The following TCF25 variants were observed in gnomAD, a reference collection of about 807,000 sequenced individuals.
TCF25 encodes TCF25 ribosome quality control complex subunit.
TCF25 carries 41 observed loss-of-function variants against 83.1 expected under a neutral mutation model. The ratio of observed to expected loss-of-function variants is 0.49; its 90% confidence interval spans 0.38 to 0.64. The LOEUF (loss-of-function observed/expected upper bound fraction) is 0.64, where lower values mean the gene tolerates loss of function less well. TCF25 is among the 30% of genes least tolerant of loss of function. The probability of loss-of-function intolerance (pLI) is 0.00; values close to 1 mark genes in which losing one functional copy is unlikely to be tolerated. For synonymous variants in TCF25, 458 were observed against 365.0 expected, an observed-to-expected ratio of 1.25 and a Z score of -2.90; for missense variants, 979 against 914.5, an observed-to-expected ratio of 1.07 and a Z score of -0.91.
intron 7 of TCF25, among the ~76,000 whole-genome samples, chr16:89,894,180 G>T (rs745518319): frequency 7.2e-5 from 11 of 152,088 alleles, no homozygotes; most frequent in Non-Finnish European, 1.3e-4. Context: ...TGCCTCCTGC[G>T]GCTCAGTGCA....
chr16:89,906,666 CTGT>C (rs923341190), intron 15 of TCF25, among the ~76,000 whole-genome samples: 16 of 152,264 alleles, frequency 1.1e-4, no homozygotes, highest in African/African-American at 3.6e-4. Flanking sequence ...GGAGTTTGTA[CTGT>C]TGTTAAGGGA....
At chr16:89,885,280 C>T (rs1489116545) in intron 3 of TCF25, among the ~76,000 whole-genome samples, 2 of 152,126 alleles carry the variant, frequency 1.3e-5, no homozygotes, top group African/African-American at 4.8e-5. Context: ...TACCCTTGTT[C>T]CTCGACTGGT....
At position 89,873,680 on chromosome 16, in the gene TCF25, G is replaced by A. The variant is rs866363973; in HGVS notation, c.13G>A (p.Ala5Thr). The change falls in exon 1 of 18, where the codon GCC becomes ACC. Residue 5 changes from alanine to threonine, a missense_variant. Ala to Thr is a moderately conservative substitution (Grantham distance 58, BLOSUM62 0). Transcript: ENST00000263346. MSRR[A>T]LRRLRGEQRG... ...GTCGTTCGGTCCTATGTCGCGCCGGGCCCTCCGGAGGCTGAGGGGGGAACA... is the reference window on the plus strand; with the variant it reads ...GTCGTTCGGTCCTATGTCGCGCCGGACCCTCCGGAGGCTGAGGGGGGAACA... 6.3e-7 allele frequency: 1 copy of A among 1,598,826 alleles called. No individual in the cohort carries two copies. The highest frequency in any genetic ancestry group is 2.3e-5 in the East Asian group (1 of 44,174).
intron 13 of TCF25, chr16:89,904,488 G>A: frequency 1.9e-6 from 1 of 528,004 alleles, no homozygotes. Flanking sequence ...AGCTTTTTGG[G>A]AGGCCGGCTT....
At chr16:89,882,335 G>C (rs1198020747) in intron 1 of TCF25, among the ~76,000 whole-genome samples, 1 of 152,100 alleles carries the variant, frequency 6.6e-6, no homozygotes, top group East Asian at 1.9e-4. Context: ...AGGAGCTCAA[G>C]ACCAGCCTGG....
rs1392657007 is a variant in TCF25, at chr16:89,911,357, C to G, written c.*119C>G. On this transcript the variant is annotated 3_prime_UTR_variant, in exon 18 of 18. Coordinates refer to ENST00000263346, the MANE Select transcript of TCF25 (RefSeq NM_014972.3). ...TGTGTCGCTCCCTGGTCCACTGTTTCTCCTATAAATGTAAATGGGTCACGC... is the reference window on the plus strand; with the variant it reads ...TGTGTCGCTCCCTGGTCCACTGTTTGTCCTATAAATGTAAATGGGTCACGC... The G allele has an allele frequency of 1.5e-6, 2 of 1,357,630 alleles. No individual in the cohort carries two copies. Among genetic ancestry groups the G allele is most frequent in the African/African-American group, 1.4e-5 (1 of 70,154 alleles). 84.1% of individuals were successfully genotyped at this position (1,357,630 alleles called of 1,614,324 possible).
intron 4 of TCF25, 164 bp downstream of exon 4, chr16:89,886,130 A>C: frequency 1.5e-6 from 1 of 684,144 alleles, no homozygotes; most frequent in Non-Finnish European, 2.6e-6. Context: ...TTATTTAAAA[A>C]TCATATGAGT....
rs191594477 is a variant in TCF25 at position 89,891,825 on chromosome 16, C to T, written c.615-368C>T. 7.1e-3 allele frequency among the ~76,000 whole-genome samples: 1,088 copies of T among 152,210 alleles called. 4 individuals carry two copies. Among genetic ancestry groups the T allele is most frequent in the Non-Finnish European group, 0.011 (746 of 68,018 alleles). On this transcript the variant is annotated intron_variant, in intron 5 of 17. Coordinates refer to ENST00000263346, the MANE Select transcript of TCF25 (RefSeq NM_014972.3). ...CTGGGATCACAGGTGCAGGCCATCA[C>T]GCCAGGCTAATTTTTAAAACCCTTT...
intron 5 of TCF25, chr16:89,889,913 GCTC>G (rs1327453699): frequency 6.6e-6 from 1 of 151,958 alleles, no homozygotes; most frequent in African/African-American, 2.4e-5. Flanking sequence ...TGTCACCTAG[GCTC>G]TGGAGCTCAG....
chr16:89,895,707 A>G (rs749877846), intron 8 of TCF25, among the ~76,000 whole-genome samples: 18 of 152,264 alleles, frequency 1.2e-4, no homozygotes, highest in Admixed American at 3.3e-4. Flanking sequence ...TTAGGTGGAC[A>G]CATCTGTGCT....
At chr16:89,910,776 C>T in intron 17 of TCF25, 113 bp downstream of exon 17, 1 of 1,250,018 alleles carries the variant, frequency 8.0e-7, no homozygotes, top group Non-Finnish European at 1.1e-6. Flanking sequence ...GCACAGGGAG[C>T]AGGGAAGGAC....
At chr16:89,904,255 C>T (rs2044589035) in intron 13 of TCF25, 50 bp downstream of exon 13, 1 of 1,541,612 alleles carries the variant, frequency 6.5e-7, no homozygotes, top group Non-Finnish European at 8.8e-7. Context: ...GGGTTCGGAG[C>T]CTGGGAGCCA....
chr16:89,890,093 C>G (rs545800384), intron 5 of TCF25: 9 of 152,336 alleles, frequency 5.9e-5, no homozygotes, highest in Admixed American at 5.2e-4. Context: ...TGGTCTCGAT[C>G]TCCTGACCTC....
chr16:89,878,728 C>T (rs1244407481), intron 1 of TCF25: 2 of 889,772 alleles, frequency 2.2e-6, no homozygotes, highest in Non-Finnish European at 2.7e-6. Context: ...GCAAGCTCTG[C>T]CTCCTGGATT....
chr16:89,873,811 C>G lies in TCF25; in HGVS notation c.144C>G (p.Pro48=). The G allele has an allele frequency of 6.5e-7, 1 of 1,537,340 alleles. No individual in the cohort carries two copies. The highest frequency in any genetic ancestry group is 1.4e-5 in the African/African-American group (1 of 69,214). ...AGCGGGAGCTTGGTGTCCGGCGTCC[C>G]GGGGGCGCAGGGAAGGAGGGCGTCC... ...GPKRELGVRR[P]GGAGKEGVRV... Residue 48 remains proline, a synonymous_variant, in exon 1 of 18, where the codon CCC becomes CCG. Transcript: ENST00000263346.
chr16:89,885,853 C>T lies in TCF25; in HGVS notation c.435C>T (p.Asn145=), dbSNP rs369003274. 1.2e-5 allele frequency: 19 copies of T among 1,602,666 alleles called. No homozygotes were observed. Among genetic ancestry groups the T allele is most frequent in the Admixed American group, 5.0e-5 (3 of 59,778 alleles). ...GGTTGTTTTGGGGCTTTTAGGAAAA[C>T]GGACTAGAAGATATCGATCGCATCC... ...KKSSTGEASE[N]GLEDIDRILE... Residue 145 remains asparagine, a synonymous_variant, in exon 4 of 18, where the codon AAC becomes AAT. Coordinates refer to ENST00000263346, the MANE Select transcript of TCF25 (RefSeq NM_014972.3).
Position 89,896,074 on chromosome 16 carries a change from C to A in TCF25, c.1013C>A (p.Pro338His), listed in dbSNP as rs1354021145. ...GCCTGCCGGCTGGATTACCGCAGAC[C>A]CGAGAACAGGTGAGTGCAGCTGCCC... Reference protein sequence around the residue: ...SGACRLDYRRPENRSFYLALY... With the variant: ...SGACRLDYRRHENRSFYLALY... The change falls in exon 9 of 18, where the codon CCC becomes CAC. Residue 338 changes from proline to histidine, a missense_variant. Pro to His is a moderately conservative substitution (Grantham distance 77, BLOSUM62 -2). Coordinates refer to ENST00000263346, the MANE Select transcript of TCF25 (RefSeq NM_014972.3). The A allele has an allele frequency of 6.2e-7, 1 of 1,613,590 alleles. No homozygotes were observed. Among genetic ancestry groups the A allele is most frequent in the South Asian group, 1.1e-5 (1 of 91,060 alleles).
chr16:89,892,945 G>C (rs1324721442), intron 6 of TCF25, among the ~76,000 whole-genome samples: 1 of 152,240 alleles, frequency 6.6e-6, no homozygotes, highest in Admixed American at 6.5e-5. Context: ...TCCTGCGCCT[G>C]TGTCTGTGGG....
rs547692096 is a variant in TCF25, at chr16:89,877,272, T to C, written c.192+3413T>C. On this transcript the variant is annotated intron_variant, in intron 1 of 17. Transcript: ENST00000263346. ...AGGCTGGAGTTCAATGTCACAATTA[T>C]AACTCACTGTAATCTTGAACTCCTG... Among the ~76,000 whole-genome samples, 5 of 152,210 alleles carry C rather than the reference T, an allele frequency of 3.3e-5. No individual in the cohort carries two copies. The South Asian group carries it at 1.0e-3, about 32-fold the overall frequency.
Sources: allele counts gnomAD v4.1 joint callset (sites outside exome capture counted in the v4.1 genomes callset), GRCh38; gene constraint gnomAD v4.1.1; transcripts MANE v1.5; gene names NCBI Gene and HGNC (gene_info 2026-07-23, HGNC 2026-07-21).